ABCD3: variants seen among roughly 807,000 people sequenced by gnomAD.
ABCD3 encodes the protein ATP-binding cassette sub-family D member 3.
Under a neutral mutation model 105.5 loss-of-function variants are expected in ABCD3, and 41 were observed. The ratio of observed to expected loss-of-function variants is 0.39; its 90% CI spans 0.30 to 0.50. The LOEUF (loss-of-function observed/expected upper bound fraction) is 0.50. Among genes scored for constraint, ABCD3 ranks in the 20% least tolerant of loss-of-function variants. ABCD3 has a pLI of 0.84. For missense variants in ABCD3, 622 were observed against 806.3 expected (o/e 0.77, Z 2.77); for synonymous variants, 258 against 269.0 (o/e 0.96, Z 0.40).
chr1:94,418,708 G>T (rs1659125463), intron 1 of ABCD3, 120 bp downstream of exon 1: 1 of 997,094 alleles, frequency 1.0e-6, no homozygotes, highest in East Asian at 2.6e-5. Flanking sequence ...AGAGAGGGCC[G>T]ACCGCGACTG....
At chr1:94,491,316 A>T (rs1246457848) in intron 16 of ABCD3, 69 bp downstream of exon 16, 1 of 1,210,786 alleles carries the variant, frequency 8.3e-7, no homozygotes, top group Non-Finnish European at 1.2e-6. Context: ...AGATTACCTG[A>T]ATATTTAAAG....
chr1:94,421,740 G>A (rs1659266768), intron 1 of ABCD3, among the ~76,000 whole-genome samples: 1 of 152,118 alleles, frequency 6.6e-6, no homozygotes. Context: ...GGGAAGGGTT[G>A]GGGAAGGCTT....
chr1:94,388,406 C>G, the ABCD3 span, among the ~76,000 whole-genome samples: 2 of 150,834 alleles, frequency 1.3e-5, no homozygotes, highest in Admixed American at 6.6e-5. Flanking sequence ...CAATTTTTTT[C>G]TGATGTCAGC....
intron 4 of ABCD3, 136 bp from the exon 5 acceptor site, chr1:94,473,630 G>T (rs1421950329): frequency 9.4e-6 from 7 of 743,600 alleles, no homozygotes; most frequent in Admixed American, 4.8e-5. Context: ...CAAAAAAGTG[G>T]TTTTTAGCAT....
chr1:94,395,891 GACAC>G, the ABCD3 span, among the ~76,000 whole-genome samples: 1 of 151,380 alleles, frequency 6.6e-6, no homozygotes, highest in Non-Finnish European at 1.5e-5. Flanking sequence ...GAAAGAGAGA[GACAC>G]ACACACACAT....
At chr1:94,451,673 C>T (rs1054984315) in intron 1 of ABCD3, among the ~76,000 whole-genome samples, 1 of 152,168 alleles carries the variant, frequency 6.6e-6, no homozygotes, top group African/African-American at 2.4e-5. Flanking sequence ...TTTCCGTATA[C>T]TTAGCTTACG....
chr1:94,392,241 C>G, the ABCD3 span, among the ~76,000 whole-genome samples: 1 of 152,174 alleles, frequency 6.6e-6, no homozygotes, highest in African/African-American at 2.4e-5. Flanking sequence ...GACATGTGTT[C>G]GTTCCCAGTG....
At chr1:94,499,359 A>G in intron 19 of ABCD3, 136 bp from the exon 20 acceptor site, 1 of 1,048,924 alleles carries the variant, frequency 9.5e-7, no homozygotes, top group Non-Finnish European at 1.4e-6. Context: ...ACCTTGTGCC[A>G]CATTCTTTTC....
intron 19 of ABCD3, 108 bp from the exon 20 acceptor site, chr1:94,499,387 G>A (rs1338828158): frequency 1.6e-6 from 2 of 1,227,142 alleles, no homozygotes; most frequent in Non-Finnish European, 2.4e-6. Context: ...TATCTTTTAA[G>A]TGGTACAGAC....
chr1:94,484,793 A>G (rs972101523), intron 10 of ABCD3, among the ~76,000 whole-genome samples: 2 of 152,188 alleles, frequency 1.3e-5, no homozygotes, highest in Admixed American at 6.5e-5. Flanking sequence ...AATCAAAAAC[A>G]TAAAAAAAAA....
chr1:94,460,369 C>G (rs1331681589), intron 2 of ABCD3, among the ~76,000 whole-genome samples: 1 of 152,074 alleles, frequency 6.6e-6, no homozygotes, highest in East Asian at 1.9e-4. Flanking sequence ...AAGGAGATTG[C>G]TCTGTGACAT....
chr1:94,419,313 G>C (rs1659160956), intron 1 of ABCD3: 1 of 985,274 alleles, frequency 1.0e-6, no homozygotes, highest in Non-Finnish European at 1.2e-6. Flanking sequence ...AAAGATGAGA[G>C]TGTGGTTTAG....
intron 21 of ABCD3, among the ~76,000 whole-genome samples, chr1:94,513,047 A>T (rs374498598): frequency 7.9e-5 from 12 of 152,076 alleles, no homozygotes; most frequent in African/African-American, 2.4e-4. Flanking sequence ...AAATTCTAAG[A>T]TGATTCAAAT....
chr1:94,446,867 G>A (rs1385764371), intron 1 of ABCD3, among the ~76,000 whole-genome samples: 1 of 152,152 alleles, frequency 6.6e-6, no homozygotes, highest in Non-Finnish European at 1.5e-5. Context: ...TCAACCGATT[G>A]TAACTTCTGT....
the ABCD3 span, among the ~76,000 whole-genome samples, chr1:94,393,684 G>GAC: frequency 3.0e-4 from 46 of 151,666 alleles, no homozygotes; most frequent in African/African-American, 8.5e-4. Flanking sequence ...TGCGACTGAA[G>GAC]ACACACACAC....
intron 21 of ABCD3, among the ~76,000 whole-genome samples, chr1:94,510,117 GT>G (rs1650588235): frequency 1.3e-5 from 2 of 152,116 alleles, no homozygotes; most frequent in African/African-American, 2.4e-5. Flanking sequence ...GCTTTCTCCT[GT>G]GGGCATTTAG....
chr1:94,512,109 C>G (rs1419410694), intron 21 of ABCD3, among the ~76,000 whole-genome samples: 1 of 152,014 alleles, frequency 6.6e-6, no homozygotes, highest in East Asian at 1.9e-4. Flanking sequence ...TGTTTTTTCC[C>G]CATCTTTGTG....
chr1:94,496,871 A>G (rs1008289135), intron 16 of ABCD3, among the ~76,000 whole-genome samples: 15 of 150,686 alleles, frequency 1.0e-4, no homozygotes, highest in African/African-American at 3.4e-4. Flanking sequence ...GGGTTCAAGC[A>G]ATTCTCATGC....
chr1:94,439,053 A>C (rs1194296609), intron 1 of ABCD3, among the ~76,000 whole-genome samples: 1 of 152,186 alleles, frequency 6.6e-6, no homozygotes. Context: ...CTTTATAGTC[A>C]TTCTTCTTGT....
Sources: gnomAD v4.1 joint callset for allele counts (sites outside exome capture counted in the v4.1 genomes callset) on GRCh38, gnomAD v4.1.1 for gene constraint, MANE v1.5 for transcripts, NCBI Gene and HGNC (gene_info 2026-07-23, HGNC 2026-07-21) for gene names.